NOS1: variants seen among roughly 807,000 people sequenced by gnomAD.
NOS1 encodes NOS type I.
NOS1 carries 51 observed loss-of-function variants against 164.5 expected under a neutral mutation model. That is an observed-to-expected ratio of 0.31 (90% CI 0.25 to 0.39). NOS1 has a LOEUF of 0.39. NOS1 is among the 10% of genes least tolerant of loss of function. NOS1 has a pLI of 1.00. For missense variants in NOS1, 1,362 were observed against 1,885.6 expected, an observed-to-expected ratio of 0.72 and a Z score of 5.14; for synonymous variants, 719 against 745.8, an observed-to-expected ratio of 0.96 and a Z score of 0.59.
chr12:117,228,358 C>A (rs1022767465), intron 22 of NOS1, among the ~76,000 whole-genome samples: 2 of 152,188 alleles, frequency 1.3e-5, no homozygotes, highest in African/African-American at 4.8e-5. Flanking sequence ...AGTCACTACA[C>A]ACTCCTGAAG....
intron 22 of NOS1, among the ~76,000 whole-genome samples, chr12:117,229,581 TATC>T (rs1566029036): frequency 2.0e-5 from 3 of 152,022 alleles, no homozygotes; most frequent in Non-Finnish European, 4.4e-5. Context: ...TCTATCTATC[TATC>T]TATCTATCTA....
intron 1 of NOS1, among the ~76,000 whole-genome samples, chr12:117,335,894 A>G (rs1037892741): frequency 4.6e-5 from 7 of 151,976 alleles, no homozygotes; most frequent in African/African-American, 1.5e-4. Flanking sequence ...AGTTGTTTTT[A>G]TATTTGTAGA....
intron 7 of NOS1, among the ~76,000 whole-genome samples, chr12:117,282,937 T>C (rs923971118): frequency 6.6e-6 from 1 of 152,008 alleles, no homozygotes; most frequent in Non-Finnish European, 1.5e-5. Flanking sequence ...TCTATACCTG[T>C]ACTCTCCTGC....
intron 11 of NOS1, 79 bp from the exon 12 acceptor site, chr12:117,265,589 A>G: frequency 8.9e-7 from 1 of 1,127,518 alleles, no homozygotes; most frequent in East Asian, 2.8e-5. Context: ...AAAGAGCAGC[A>G]TTTCCCAAAG....
chr12:117,244,436 G>A (rs916166707), intron 18 of NOS1, among the ~76,000 whole-genome samples: 2 of 151,788 alleles, frequency 1.3e-5, no homozygotes, highest in East Asian at 1.9e-4. Flanking sequence ...ACAGGGTTTC[G>A]CCATGTTGGC....
At position 117,260,457 on chromosome 12, in the gene NOS1, C is replaced by T; in HGVS notation, c.2367+8G>A. On this transcript the variant is annotated splice_region_variant and intron_variant, in intron 14 of 28. Transcript: ENST00000317775. ...AAGCTGGTGGAGCTAGGGCTACCCCCCACCTACCTTGGCATCAAAGGCGTG... is the reference window on the plus strand; with the variant it reads ...AAGCTGGTGGAGCTAGGGCTACCCCTCACCTACCTTGGCATCAAAGGCGTG... 2 of 1,613,042 alleles carry T rather than the reference C, an allele frequency of 1.2e-6. No homozygotes were observed. The highest frequency in any genetic ancestry group is 1.7e-6 in the Non-Finnish European group (2 of 1,179,096).
chr12:117,343,726 G>A (rs483589), intron 1 of NOS1, among the ~76,000 whole-genome samples: 55,917 of 152,064 alleles, frequency 0.37, 10,517 homozygotes, highest in Middle Eastern at 0.45. Context: ...TTAACTTGAG[G>A]CTCAATCAAA....
At chr12:117,318,826 GA>G (rs914413532) in intron 2 of NOS1, among the ~76,000 whole-genome samples, 2 of 152,150 alleles carry the variant, frequency 1.3e-5, no homozygotes, top group African/African-American at 4.8e-5. Flanking sequence ...AGGAGGCCCT[GA>G]CCACATTTTT....
intron 3 of NOS1, among the ~76,000 whole-genome samples, chr12:117,299,158 G>A (rs1873626402): frequency 6.6e-6 from 1 of 152,210 alleles, no homozygotes; most frequent in Admixed American, 6.5e-5. Flanking sequence ...GTTACAAGCT[G>A]GGACAGCTCA....
At position 117,212,700 on chromosome 12, in the gene NOS1, T is replaced by C. The variant is rs1956546903; in HGVS notation, c.*2609A>G. 1.0e-6 allele frequency: 1 copy of C among 985,452 alleles called. No homozygotes were observed. Among genetic ancestry groups the C allele is most frequent in the Non-Finnish European group, 1.2e-6 (1 of 829,936 alleles). 61.0% of individuals were successfully genotyped at this position (985,452 alleles called of 1,614,324 possible). A position where few individuals can be genotyped will look rare whatever the true frequency, so the allele number is the denominator to read the frequency against. On this transcript the variant is annotated 3_prime_UTR_variant, in exon 29 of 29. Coordinates refer to ENST00000317775, the MANE Select transcript of NOS1 (RefSeq NM_000620.5). ...AATATCTTGTCAACCCTATTTTGCT[T>C]ACCCATTGCTTAATTCTATTTTGCA...
intron 3 of NOS1, among the ~76,000 whole-genome samples, chr12:117,296,701 C>G (rs1019097575): frequency 1.3e-5 from 2 of 152,094 alleles, no homozygotes; most frequent in African/African-American, 4.8e-5. Flanking sequence ...TCTAGAGAAC[C>G]CTGACTAATA....
At chr12:117,239,184 A>G (rs1175008034) in intron 20 of NOS1, among the ~76,000 whole-genome samples, 1 of 152,208 alleles carries the variant, frequency 6.6e-6, no homozygotes, top group Non-Finnish European at 1.5e-5. Context: ...ATTTTACTTG[A>G]CGGGGGATGA....
intron 16 of NOS1, among the ~76,000 whole-genome samples, chr12:117,256,509 C>A (rs142907608): frequency 6.6e-6 from 1 of 151,662 alleles, no homozygotes; most frequent in East Asian, 2.0e-4. Context: ...AACTCCTGAC[C>A]TTAGGTGATC....
chr12:117,356,296 T>G lies in NOS1; in HGVS notation c.-421+5216A>C, dbSNP rs1876848744. Among the ~76,000 whole-genome samples the G allele has an allele frequency of 6.6e-6, 1 of 152,222 alleles. No individual in the cohort carries two copies. Among genetic ancestry groups the G allele is most frequent in the African/African-American group, 2.4e-5 (1 of 41,454 alleles). On this transcript the variant is annotated intron_variant, in intron 1 of 28. Transcript: ENST00000317775. This position sits in a 1 kb window ranked among gnomAD's most constrained non-coding sequence, Gnocchi z 4.2. ...ACGTTTCCTAAGATGATTCTCAGTG[T>G]GAGGCCCTCCCTTTCAACCTGGCTG...
Position 117,211,697 on chromosome 12 carries a change from A to C in NOS1, c.*3612T>G. 1 of 985,442 alleles carries C rather than the reference A, an allele frequency of 1.0e-6. No homozygotes were observed. The highest frequency in any genetic ancestry group is 1.2e-6 in the Non-Finnish European group (1 of 830,020). The allele number at this position is 985,442 out of a possible 1,614,324, so 61.0% of individuals were successfully genotyped here. A position where few individuals can be genotyped will look rare whatever the true frequency, so the allele number is the denominator to read the frequency against. ...GGACAACTCTTACCTTCCAGAAGCT[A>C]CCAGTGAAATCCCGCCCATTTCTCA... On this transcript the variant is annotated 3_prime_UTR_variant, in exon 29 of 29. Transcript: ENST00000317775.
intron 6 of NOS1, 101 bp downstream of exon 6, chr12:117,286,003 G>T (rs1282263915): frequency 1.5e-6 from 2 of 1,361,324 alleles, no homozygotes; most frequent in Non-Finnish European, 2.0e-6. Context: ...TGGCTACCAG[G>T]TACCCTTGGT....
rs2135910209 is a variant in NOS1, at chr12:117,212,047, C to G, written c.*3262G>C. Reference sequence around the variant, plus strand: ...TACCACTGTACGCCAGCCTGGGTGACAGAGCAAGACTCTGTCAAAAAAAAA... The same window carrying G: ...TACCACTGTACGCCAGCCTGGGTGAGAGAGCAAGACTCTGTCAAAAAAAAA... On this transcript the variant is annotated 3_prime_UTR_variant, in exon 29 of 29. Coordinates refer to ENST00000317775, the MANE Select transcript of NOS1 (RefSeq NM_000620.5). 1.1e-6 allele frequency: 1 copy of G among 949,860 alleles called. No homozygotes were observed. Among genetic ancestry groups the G allele is most frequent in the Admixed American group, 6.5e-5 (1 of 15,376 alleles). 58.8% of individuals were successfully genotyped at this position (949,860 alleles called of 1,614,324 possible). A position where few individuals can be genotyped will look rare whatever the true frequency, so the allele number is the denominator to read the frequency against.
chr12:117,279,437 C>T (rs1300849720), intron 8 of NOS1, among the ~76,000 whole-genome samples: 3 of 151,708 alleles, frequency 2.0e-5, no homozygotes, highest in Non-Finnish European at 4.4e-5. Flanking sequence ...TTTTTGGACC[C>T]AGACTTCGAG....
chr12:117,214,856 CACACACACACAG>C lies in NOS1; in HGVS notation c.*441_*452del, dbSNP rs1177007070. On this transcript the variant is annotated 3_prime_UTR_variant, in exon 29 of 29. Transcript: ENST00000317775. ...CATCACACACACACACACACACACA[CACACACACACAG>C]GCACGCACAACCAAAATGTCATCAT... The C allele has an allele frequency of 5.4e-5, 53 of 987,102 alleles. No individual in the cohort carries two copies. Among genetic ancestry groups the C allele is most frequent in the Admixed American group, 6.2e-5 (1 of 16,258 alleles). 61.1% of individuals were successfully genotyped at this position (987,102 alleles called of 1,614,324 possible).
Sources: gnomAD v4.1 joint callset for allele counts (sites outside exome capture counted in the v4.1 genomes callset) on GRCh38, gnomAD v4.1.1 for gene constraint, Gnocchi (gnomAD v3.1) non-coding constraint, MANE v1.5 for transcripts, NCBI Gene and HGNC (gene_info 2026-07-23, HGNC 2026-07-21) for gene names.